The following THOC1 variants were observed in gnomAD, a reference collection of about 807,000 sequenced individuals.
THOC1 encodes THO complex 1.
A neutral mutation model predicts 97.3 loss-of-function variants in THOC1; 29 were observed. That is an observed-to-expected ratio of 0.30 (90% CI 0.22 to 0.41). The LOEUF (loss-of-function observed/expected upper bound fraction) is 0.41, where lower values mean the gene tolerates loss of function less well. Among genes scored for constraint, THOC1 ranks in the 10% least tolerant of loss-of-function variants. The probability of loss-of-function intolerance (pLI) is 1.00; values close to 1 mark genes in which losing one functional copy is unlikely to be tolerated. For missense variants in THOC1, 529 were observed against 761.9 expected, an observed-to-expected ratio of 0.69 and a Z score of 3.60; for synonymous variants, 255 against 257.0, an observed-to-expected ratio of 0.99 and a Z score of 0.07.
At chr18:244,379 T>TC (rs1912015365) in intron 11 of THOC1, 2 of 152,218 alleles carry the variant, frequency 1.3e-5, no homozygotes, top group South Asian at 4.1e-4. Context: ...GTAGTTTTTT[T>TC]CAAAATGAGG....
intron 7 of THOC1, among the ~76,000 whole-genome samples, chr18:256,680 A>AT (rs201047689): frequency 2.0e-5 from 3 of 151,724 alleles, no homozygotes; most frequent in Admixed American, 1.3e-4. Context: ...CTTATTTTTT[A>AT]TTTTTTTTCT....
In THOC1 at chr18:223,449, GATT is replaced by G; in HGVS notation, c.1358_1360del (p.Lys453_Ser454delinsThr). On this transcript the variant is annotated inframe_deletion, in exon 17 of 21. Transcript: ENST00000261600. ...AAAATGTTCAACTTGCCTTGTCTCT[GATT>G]TACAGGCTTCCATATTATCAGGGCA... 6.4e-7 allele frequency: 1 copy of G among 1,557,192 alleles called. No individual in the cohort carries two copies. Among genetic ancestry groups the G allele is most frequent in the Non-Finnish European group, 8.7e-7 (1 of 1,149,460 alleles).
chr18:223,319 CAA>C (rs1166854057), intron 17 of THOC1, 119 bp downstream of exon 17: 5 of 730,606 alleles, frequency 6.8e-6, no homozygotes, highest in Non-Finnish European at 8.6e-6. Flanking sequence ...GCTGCTGTGC[CAA>C]AAGTCAACCA....
intron 9 of THOC1, among the ~76,000 whole-genome samples, chr18:252,161 GAGA>G (rs1370679372): frequency 6.6e-6 from 1 of 152,216 alleles, no homozygotes; most frequent in Non-Finnish European, 1.5e-5. Context: ...AGCAAGGGGA[GAGA>G]AGGAGGAAAG....
At chr18:263,389 C>T (rs1042172208) in intron 4 of THOC1, 4 of 152,642 alleles carry the variant, frequency 2.6e-5, no homozygotes, top group African/African-American at 9.6e-5. Context: ...TGCAGCTGCT[C>T]TTTAGTATGG....
Position 264,007 on chromosome 18 carries a change from A to G in THOC1, c.256+19T>C. ...TGTCCAAGATTACTTTAAACAAAAC[A>G]AAACGGAACCATACTTACCTTCAGT... On this transcript the variant is annotated intron_variant, in intron 4 of 20. Coordinates refer to ENST00000261600, the MANE Select transcript of THOC1 (RefSeq NM_005131.3). The G allele has an allele frequency of 1.3e-6, 2 of 1,594,980 alleles. No homozygotes were observed. Among genetic ancestry groups the G allele is most frequent in the Non-Finnish European group, 1.7e-6 (2 of 1,165,574 alleles).
intron 17 of THOC1, among the ~76,000 whole-genome samples, chr18:222,030 C>T (rs1486380312): frequency 6.6e-6 from 1 of 151,962 alleles, no homozygotes; most frequent in African/African-American, 2.4e-5. Context: ...TTTTTTCCTC[C>T]TCTCCTACCT....
At chr18:267,836 C>A in intron 1 of THOC1, 130 bp downstream of exon 1, 1 of 959,460 alleles carries the variant, frequency 1.0e-6, no homozygotes, top group Non-Finnish European at 1.5e-6. Flanking sequence ...TCCGACGGGG[C>A]CCGGAGCGGA....
chr18:266,400 C>T (rs1912769565), intron 1 of THOC1, among the ~76,000 whole-genome samples: 1 of 152,160 alleles, frequency 6.6e-6, no homozygotes, highest in Admixed American at 6.5e-5. Context: ...ACAGTGGCAT[C>T]ACCTAGGAAG....
intron 4 of THOC1, 200 bp from the exon 5 acceptor site, chr18:260,504 T>C (rs655983): frequency 0.18 from 70,500 of 387,466 alleles, 7,265 homozygotes; most frequent in Non-Finnish European, 0.23. Flanking sequence ...CACTCAGTAA[T>C]GATGACAATA....
At chr18:248,961 AG>A (rs781352268) in intron 9 of THOC1, among the ~76,000 whole-genome samples, 1 of 152,122 alleles carries the variant, frequency 6.6e-6, no homozygotes, top group Non-Finnish European at 1.5e-5. Context: ...CGTGTTATCC[AG>A]GATGGTCTCG....
At chr18:247,661 T>C (rs575142549) in intron 10 of THOC1, among the ~76,000 whole-genome samples, 188 bp downstream of exon 10, 3 of 152,354 alleles carry the variant, frequency 2.0e-5, no homozygotes, top group East Asian at 3.9e-4. Context: ...AAATATCCGA[T>C]TCTTATATAC....
intron 11 of THOC1, among the ~76,000 whole-genome samples, chr18:235,814 T>C (rs1448053489): frequency 6.6e-6 from 1 of 152,176 alleles, no homozygotes; most frequent in Non-Finnish European, 1.5e-5. Context: ...AAAAGAAATA[T>C]GTTGCTTCTA....
chr18:267,468 C>T (rs1421078348), intron 1 of THOC1, among the ~76,000 whole-genome samples: 1 of 152,226 alleles, frequency 6.6e-6, no homozygotes, highest in Non-Finnish European at 1.5e-5. Context: ...TCTGCCTTTT[C>T]CCGCTTAGGA....
chr18:252,353 T>C (rs1363347155), intron 9 of THOC1, among the ~76,000 whole-genome samples, 186 bp downstream of exon 9: 1 of 152,184 alleles, frequency 6.6e-6, no homozygotes, highest in Non-Finnish European at 1.5e-5. Flanking sequence ...GCACATAATA[T>C]AGAAACCAGC....
intron 8 of THOC1, among the ~76,000 whole-genome samples, chr18:253,070 T>C (rs952545242): frequency 1.3e-5 from 2 of 152,204 alleles, no homozygotes; most frequent in African/African-American, 4.8e-5. Flanking sequence ...ATTTTTCAAA[T>C]ATATACATCA....
intron 3 of THOC1, chr18:264,901 T>G (rs1053350260): frequency 5.7e-5 from 9 of 157,848 alleles, no homozygotes; most frequent in African/African-American, 2.2e-4. Context: ...GTAAGTTTAC[T>G]GATGAGGAGG....
intron 1 of THOC1, among the ~76,000 whole-genome samples, chr18:265,919 C>T (rs1238428353): frequency 6.6e-6 from 1 of 152,180 alleles, no homozygotes; most frequent in Non-Finnish European, 1.5e-5. Context: ...AACTTAATTC[C>T]CAATACTCCC....
rs1912334009 is a variant in THOC1, at chr18:253,145, G to A, written c.604-533C>T. On this transcript the variant is annotated intron_variant, in intron 8 of 20. Transcript: ENST00000261600. ...TTGGGGTGAGGCTGTGGGGAAAAAG[G>A]GCAGGCATTCTCCATGTGCCACTGG... Among the ~76,000 whole-genome samples, 4 of 152,104 alleles carry A rather than the reference G, an allele frequency of 2.6e-5. No homozygotes were observed. In the South Asian group the frequency reaches 8.3e-4, roughly 32 times the overall value.
Sources: gnomAD v4.1 joint callset for allele counts (sites outside exome capture counted in the v4.1 genomes callset) on GRCh38, gnomAD v4.1.1 for gene constraint, MANE v1.5 for transcripts, NCBI Gene and HGNC (gene_info 2026-07-23, HGNC 2026-07-21) for gene names.